The following NUP54 variants were observed in gnomAD, a reference collection of about 807,000 sequenced individuals.
NUP54 encodes nucleoporin p54.
NUP54 carries 27 observed loss-of-function variants against 66.4 expected under a neutral mutation model. The observed-to-expected ratio is 0.41, with a 90% CI of 0.30 to 0.56. NUP54 has a LOEUF of 0.56. Ranked by LOEUF, NUP54 falls within the 20% of genes least tolerant of loss-of-function variation. The probability of loss-of-function intolerance (pLI) is 0.34; values close to 1 mark genes in which losing one functional copy is unlikely to be tolerated. For synonymous variants in NUP54, 206 were observed against 210.7 expected (o/e 0.98, Z 0.19); for missense variants, 486 against 596.3 (o/e 0.82, Z 1.93).
At chr4:76,121,374 T>G (rs1164778445) in intron 9 of NUP54, among the ~76,000 whole-genome samples, 1 of 152,200 alleles carries the variant, frequency 6.6e-6, no homozygotes, top group East Asian at 1.9e-4. Flanking sequence ...GGTAAAGAAG[T>G]CCCCTTCACT....
intron 4 of NUP54, among the ~76,000 whole-genome samples, chr4:76,135,771 C>T (rs1019802923): frequency 5.3e-5 from 8 of 152,192 alleles, no homozygotes; most frequent in Non-Finnish European, 1.2e-4. Context: ...AATAAGAACA[C>T]AGAAAATGGG....
At chr4:76,130,867 G>T in intron 7 of NUP54, 118 bp from the exon 8 acceptor site, 1 of 684,374 alleles carries the variant, frequency 1.5e-6, no homozygotes. Context: ...CTCTAAGGCA[G>T]ATCTATGACT....
At chr4:76,133,069 T>TA (rs1730883434) in intron 5 of NUP54, among the ~76,000 whole-genome samples, 1 of 148,834 alleles carries the variant, frequency 6.7e-6, no homozygotes, top group Admixed American at 6.7e-5. Flanking sequence ...TATATATTTT[T>TA]AAATTTTTTT....
At chr4:76,145,047 G>A (rs559455637) in intron 1 of NUP54, among the ~76,000 whole-genome samples, 43 of 152,176 alleles carry the variant, frequency 2.8e-4, no homozygotes, top group African/African-American at 9.9e-4. Flanking sequence ...GGCTGGGCGC[G>A]GTGGCTCATG....
At chr4:76,145,932 G>A (rs928006047) in intron 1 of NUP54, 3 of 279,812 alleles carry the variant, frequency 1.1e-5, no homozygotes, top group Non-Finnish European at 2.1e-5. Context: ...TTTACTTGTA[G>A]GTTCTACTGC....
intron 9 of NUP54, among the ~76,000 whole-genome samples, chr4:76,120,806 C>G (rs1037026192): frequency 6.6e-6 from 1 of 152,168 alleles, no homozygotes; most frequent in African/African-American, 2.4e-5. Flanking sequence ...TGACTAAGAA[C>G]TATTTTGCAT....
intron 8 of NUP54, among the ~76,000 whole-genome samples, chr4:76,125,833 AGAGG>A (rs1262031665): frequency 4.9e-5 from 2 of 40,742 alleles, no homozygotes; most frequent in African/African-American, 1.5e-4. Flanking sequence ...AAAGGGGGAG[AGAGG>A]GAGAGAGGGA....
intron 9 of NUP54, chr4:76,118,577 G>GCGGGGC (rs796341208): frequency 2.7e-5 from 3 of 111,562 alleles, no homozygotes; most frequent in African/African-American, 3.7e-5. Context: ...GCGGGGTGGG[G>GCGGGGC]GGGGGGGTCT....
At chr4:76,138,485 A>G (rs140349031) in intron 3 of NUP54, among the ~76,000 whole-genome samples, 9 of 152,214 alleles carry the variant, frequency 5.9e-5, no homozygotes, top group Non-Finnish European at 1.2e-4. Context: ...CATACAACAA[A>G]TATTTACTGA....
At chr4:76,127,643 C>A (rs1219645373) in intron 8 of NUP54, among the ~76,000 whole-genome samples, 2 of 151,724 alleles carry the variant, frequency 1.3e-5, no homozygotes, top group Non-Finnish European at 2.9e-5. Flanking sequence ...AAATACAAGG[C>A]AAACATTTAA....
chr4:76,145,706 G>T, intron 1 of NUP54: 2 of 401,750 alleles, frequency 5.0e-6, no homozygotes, highest in Non-Finnish European at 8.0e-6. Context: ...CAAGACAAAT[G>T]TTTGAACCAT....
chr4:76,123,006 G>A (rs1730300315), intron 9 of NUP54, among the ~76,000 whole-genome samples: 1 of 152,210 alleles, frequency 6.6e-6, no homozygotes, highest in Admixed American at 6.5e-5. Flanking sequence ...TCCAGAACAG[G>A]CAAACCCATA....
chr4:76,131,386 T>C lies in NUP54; in HGVS notation c.908-102A>G, dbSNP rs185195707. On this transcript the variant is annotated intron_variant, in intron 6 of 11. Transcript: ENST00000264883. The stretch of plus-strand genomic sequence containing the variant: ...AGCAAGACCCTATACCTAGAAGCTA[T>C]AATGAAAAGTGACTGTCAAATATAA... The C allele has an allele frequency of 1.5e-4, 90 of 600,218 alleles. 1 individual carries two copies. The highest frequency in any genetic ancestry group is 8.8e-4 in the Middle Eastern group (2 of 2,276). The allele number at this position is 600,218 out of a possible 1,614,324, so 37.2% of individuals were successfully genotyped here. A position where few individuals can be genotyped will look rare whatever the true frequency, so the allele number is the denominator to read the frequency against.
intron 9 of NUP54, among the ~76,000 whole-genome samples, chr4:76,119,248 G>A (rs1286913545): frequency 6.6e-6 from 1 of 151,978 alleles, no homozygotes; most frequent in Non-Finnish European, 1.5e-5. Flanking sequence ...ATACCCCCAA[G>A]ACAAATAGTG....
chr4:76,139,772 A>G (rs1731186676), intron 3 of NUP54, among the ~76,000 whole-genome samples: 1 of 152,222 alleles, frequency 6.6e-6, no homozygotes, highest in South Asian at 2.1e-4. Flanking sequence ...GCTCTCAAAT[A>G]CATCAGTGAT....
At chr4:76,125,396 G>A (rs1413712279) in intron 8 of NUP54, among the ~76,000 whole-genome samples, 1 of 151,588 alleles carries the variant, frequency 6.6e-6, no homozygotes, top group African/African-American at 2.4e-5. Context: ...CACTTTGGGA[G>A]GCCAAGGCAA....
Position 76,144,144 on chromosome 4 carries a change from CT to C in NUP54, c.295+4del. 1 of 1,612,018 alleles carries C rather than the reference CT, an allele frequency of 6.2e-7. No homozygotes were observed. Among genetic ancestry groups the C allele is most frequent in the Non-Finnish European group, 8.5e-7 (1 of 1,179,166 alleles). ...TGTATTTGAAGCTGAAAACCTCATA[CT>C]TACTAGTTTGCTGCTGCTGCTGTGT... On this transcript the variant is annotated splice_donor_region_variant and intron_variant, in intron 3 of 11. Coordinates refer to ENST00000264883, the MANE Select transcript of NUP54 (RefSeq NM_017426.4).
At chr4:76,138,364 C>T (rs1309595518) in intron 3 of NUP54, among the ~76,000 whole-genome samples, 2 of 152,106 alleles carry the variant, frequency 1.3e-5, no homozygotes, top group East Asian at 3.9e-4. Context: ...AAATCTTCAC[C>T]TTCTGTTGAA....
chr4:76,141,713 A>T (rs1731274088), intron 3 of NUP54, among the ~76,000 whole-genome samples: 1 of 115,076 alleles, frequency 8.7e-6, no homozygotes, highest in South Asian at 2.7e-4. Context: ...CTATCTTTGT[A>T]TTTCTCTAAG....
Sources: gnomAD v4.1 joint callset for allele counts (sites outside exome capture counted in the v4.1 genomes callset) on GRCh38, gnomAD v4.1.1 for gene constraint, MANE v1.5 for transcripts, NCBI Gene and HGNC (gene_info 2026-07-23, HGNC 2026-07-21) for gene names.